Variants in MTARC2 observed in about 807,000 individuals in gnomAD.
The protein encoded by MTARC2 is mitochondrial amidoxime reducing component 2, also known as MOCO sulphurase C-terminal domain containing 2.
In MTARC2, 27 loss-of-function variants were observed where a neutral mutation model predicts 35.6. The observed-to-expected ratio is 0.76, with a 90% CI of 0.56 to 1.04. The LOEUF (loss-of-function observed/expected upper bound fraction) is 1.04, where lower values mean the gene tolerates loss of function less well. Ranked by LOEUF, MTARC2 falls within the 50% of genes least tolerant of loss-of-function variation. The pLI, the probability that MTARC2 is intolerant of heterozygous loss-of-function variation, is 0.00. For synonymous variants in MTARC2, 158 were observed against 167.1 expected (o/e 0.95, Z 0.42); for missense variants, 412 against 432.5 (o/e 0.95, Z 0.42).
At position 220,748,656 on chromosome 1, in the gene MTARC2, G is replaced by A. The variant is rs775176485; in HGVS notation, c.125G>A (p.Arg42His). ...GCCCTGGGGACTGTCGCCTGGCGCC[G>A]CGCATGGCCCAGGCGGCGCCGGCGG... ...AVALGTVAWR[R>H]AWPRRRRRLQ... Residue 42 changes from arginine to histidine, a missense_variant, in exon 1 of 8, where the codon CGC becomes CAC. By Grantham distance (29) the Arg-to-His change is conservative. Transcript: ENST00000366913. 1.9e-6 allele frequency: 3 copies of A among 1,556,672 alleles called. No homozygotes were observed. Among genetic ancestry groups the A allele is most frequent in the Non-Finnish European group, 1.7e-6 (2 of 1,154,570 alleles).
intron 4 of MTARC2, among the ~76,000 whole-genome samples, chr1:220,766,214 A>C (rs1671573745): frequency 6.6e-6 from 1 of 152,182 alleles, no homozygotes; most frequent in Non-Finnish European, 1.5e-5. Flanking sequence ...GGGCCCCTTT[A>C]AGAAAAAAAT....
intron 4 of MTARC2, among the ~76,000 whole-genome samples, chr1:220,766,076 G>A (rs954396631): frequency 1.1e-4 from 16 of 152,090 alleles, no homozygotes; most frequent in Non-Finnish European, 1.9e-4. Context: ...GGGCTGGGAG[G>A]GCAATGGAGA....
At chr1:220,767,835 G>C (rs934970960) in intron 4 of MTARC2, among the ~76,000 whole-genome samples, 1 of 152,216 alleles carries the variant, frequency 6.6e-6, no homozygotes, top group Admixed American at 6.5e-5. Context: ...GAGCCTCACT[G>C]CTTACTGGCT....
rs1036163025 is a variant in MTARC2 at position 220,781,954 on chromosome 1, T to C, written c.*31+22T>C. ...TATGGTAAAGGGTCAGCTTTGCTTC[T>C]GAATACGCTGTCTTGAAGCCATTGC... is the stretch of plus-strand genomic sequence containing the variant. On this transcript the variant is annotated intron_variant, in intron 7 of 7. Coordinates refer to ENST00000366913, the MANE Select transcript of MTARC2 (RefSeq NM_017898.5). 3 of 1,579,856 alleles carry C rather than the reference T, an allele frequency of 1.9e-6. No homozygotes were observed. In the African/African-American group the frequency reaches 4.0e-5, roughly 21 times the overall value.
intron 1 of MTARC2, among the ~76,000 whole-genome samples, chr1:220,753,773 A>G (rs386118): frequency 0.34 from 51,629 of 152,066 alleles, 10,842 homozygotes; most frequent in East Asian, 0.7. Context: ...ATATTGGGCT[A>G]GGCACAGTGG....
Position 220,783,899 on chromosome 1 carries a change from G to T in MTARC2, c.*32-20G>T, listed in dbSNP as rs1242424837. The T allele has an allele frequency of 1.4e-6, 1 of 717,350 alleles. No individual in the cohort carries two copies. The highest frequency in any genetic ancestry group is 2.0e-5 in the Admixed American group (1 of 50,010). 44.4% of individuals were successfully genotyped at this position (717,350 alleles called of 1,614,324 possible). ...TAGGATAAACAACCAAATAACCAGAGATTCTTATTATTTATTCAGGCTTCA... is the reference window on the plus strand; with the variant it reads ...TAGGATAAACAACCAAATAACCAGATATTCTTATTATTTATTCAGGCTTCA... On this transcript the variant is annotated intron_variant, in intron 7 of 7. Transcript: ENST00000366913.
Position 220,769,963 on chromosome 1 carries a change from C to A in MTARC2, c.750+6913C>A, listed in dbSNP as rs940901981. Among the ~76,000 whole-genome samples, 5 of 86,002 alleles carry A rather than the reference C, an allele frequency of 5.8e-5. No individual in the cohort carries two copies. The Admixed American group carries it at 7.0e-4, about 12-fold the overall frequency. 56.4% of individuals were successfully genotyped at this position (86,002 alleles called of 152,430 possible). ...AAAAAAAAAAAAAAAAAAAATTAAGCGGGCGTGATGGCGGGCGACTGTAGC... is the reference window on the plus strand; with the variant it reads ...AAAAAAAAAAAAAAAAAAAATTAAGAGGGCGTGATGGCGGGCGACTGTAGC... On this transcript the variant is annotated intron_variant, in intron 4 of 7. Transcript: ENST00000366913.
Position 220,780,197 on chromosome 1 carries a change from C to G in MTARC2, c.842C>G (p.Thr281Ser). 1 of 1,612,918 alleles carries G rather than the reference C, an allele frequency of 6.2e-7. No homozygotes were observed. ...RCILTTVDPD[T>S]GVIDRKQPLD... is the part of the protein sequence containing the mutation. ...ATTTTGACAACGGTGGACCCAGACA[C>G]TGGAGTCATAGACAGGAAACAGCCA... Residue 281 changes from threonine to serine, a missense_variant, in exon 6 of 8, where the codon ACT (threonine) becomes AGT (serine). Transcript: ENST00000366913.
intron 6 of MTARC2, 62 bp from the exon 7 acceptor site, chr1:220,781,716 T>A: frequency 6.3e-7 from 1 of 1,590,014 alleles, no homozygotes; most frequent in Non-Finnish European, 8.6e-7. Context: ...TGAGTTCTAT[T>A]GAGAATACTT....
chr1:220,748,479 T>A lies in MTARC2; in HGVS notation c.-53T>A. On this transcript the variant is annotated 5_prime_UTR_variant, in exon 1 of 8. Coordinates refer to ENST00000366913, the MANE Select transcript of MTARC2 (RefSeq NM_017898.5). ...CTTAAGGGCCTCCTCGTCCTCCCGGTCTCCGGTCGCTGCCGGGTCTGTGCG... is the reference window on the plus strand; with the variant it reads ...CTTAAGGGCCTCCTCGTCCTCCCGGACTCCGGTCGCTGCCGGGTCTGTGCG... The A allele has an allele frequency of 7.4e-7, 1 of 1,348,528 alleles. No individual in the cohort carries two copies. The highest frequency in any genetic ancestry group is 9.4e-7 in the Non-Finnish European group (1 of 1,058,762). 83.5% of individuals were successfully genotyped at this position (1,348,528 alleles called of 1,614,324 possible). A position where few individuals can be genotyped will look rare whatever the true frequency, so the allele number is the denominator to read the frequency against.
Position 220,784,149 on chromosome 1 carries a change from C to A in MTARC2, c.*262C>A, listed in dbSNP as rs999157996. ...TGAAGGCTTTAAAAATAATTAAGAT[C>A]ATCAAAAATGCTATTTTGAATGTTA... On this transcript the variant is annotated 3_prime_UTR_variant, in exon 8 of 8. Coordinates refer to ENST00000366913, the MANE Select transcript of MTARC2 (RefSeq NM_017898.5). 4.0e-5 allele frequency: 19 copies of A among 479,814 alleles called. No homozygotes were observed. The highest frequency in any genetic ancestry group is 4.0e-4 in the Middle Eastern group (1 of 2,484). The allele number at this position is 479,814 out of a possible 1,614,324, so 29.7% of individuals were successfully genotyped here.
intron 2 of MTARC2, among the ~76,000 whole-genome samples, chr1:220,761,293 C>T (rs1671429084): frequency 6.6e-6 from 1 of 152,236 alleles, no homozygotes. Flanking sequence ...GGTGCATCTG[C>T]CACAGGGCAG....
At position 220,780,255 on chromosome 1, in the gene MTARC2, AGCC is replaced by A; in HGVS notation, c.884+17_884+19del. ...CCCTGAAGAGGTAGAATACCACCACAGCCAGTGTATTTTAAATATTATCTCCAC... is the reference window on the plus strand; with the variant it reads ...CCCTGAAGAGGTAGAATACCACCACAAGTGTATTTTAAATATTATCTCCAC... On this transcript the variant is annotated intron_variant, in intron 6 of 7. Transcript: ENST00000366913. 6.2e-7 allele frequency: 1 copy of A among 1,602,968 alleles called. No individual in the cohort carries two copies. The highest frequency in any genetic ancestry group is 8.5e-7 in the Non-Finnish European group (1 of 1,175,486).
intron 4 of MTARC2, among the ~76,000 whole-genome samples, chr1:220,770,921 AGAGCTCT>A (rs1671725684): frequency 6.6e-6 from 1 of 152,260 alleles, no homozygotes; most frequent in South Asian, 2.1e-4. Flanking sequence ...CCACATCTCA[AGAGCTCT>A]GCTTCCCTTT....
chr1:220,761,309 C>G (rs1671429287), intron 2 of MTARC2, among the ~76,000 whole-genome samples: 1 of 152,242 alleles, frequency 6.6e-6, no homozygotes, highest in Non-Finnish European at 1.5e-5. Context: ...GGCAGCCCCT[C>G]TCCTCTTGTG....
chr1:220,776,631 T>C (rs1454182668), intron 4 of MTARC2, among the ~76,000 whole-genome samples: 1 of 152,168 alleles, frequency 6.6e-6, no homozygotes, highest in Non-Finnish European at 1.5e-5. Context: ...TTGCGGACGA[T>C]TCTTACGAAT....
At chr1:220,770,819 C>T (rs1001735145) in intron 4 of MTARC2, among the ~76,000 whole-genome samples, 3 of 152,246 alleles carry the variant, frequency 2.0e-5, no homozygotes, top group Admixed American at 1.3e-4. Flanking sequence ...CCGTAACCTC[C>T]CCTGAGAGGA....
At chr1:220,779,267 C>T (rs974554639) in intron 4 of MTARC2, among the ~76,000 whole-genome samples, 1 of 152,056 alleles carries the variant, frequency 6.6e-6, no homozygotes, top group African/African-American at 2.4e-5. Context: ...TGTGTGTGTG[C>T]ACATATAAAC....
At chr1:220,759,061 G>A (rs1467503481) in intron 2 of MTARC2, among the ~76,000 whole-genome samples, 1 of 152,024 alleles carries the variant, frequency 6.6e-6, no homozygotes, top group Admixed American at 6.6e-5. Context: ...TACATGTTTT[G>A]TTAGATTTAG....
Sources: allele counts gnomAD v4.1 joint callset (sites outside exome capture counted in the v4.1 genomes callset), GRCh38; gene constraint gnomAD v4.1.1; transcripts MANE v1.5; gene names NCBI Gene and HGNC (gene_info 2026-07-23, HGNC 2026-07-21).